The following LGSN variants were observed in gnomAD, a reference collection of about 807,000 sequenced individuals.
LGSN encodes the protein lengsin, lens protein with glutamine synthetase domain, also known as lengsin.
A neutral mutation model predicts 19.5 loss-of-function variants in LGSN; 21 were observed. The ratio of observed to expected loss-of-function variants is 1.07; its 90% CI spans 0.76 to 1.55. The LOEUF is 1.55. Among genes scored for constraint, LGSN ranks in the 40% most tolerant of loss-of-function variants. The pLI is 0.00. For missense variants in LGSN, 673 were observed against 608.5 expected, an observed-to-expected ratio of 1.11 and a Z score of -1.12; for synonymous variants, 257 against 215.6, an observed-to-expected ratio of 1.19 and a Z score of -1.68.
chr6:63,534,672 G>A, the LGSN span, among the ~76,000 whole-genome samples: 4 of 152,028 alleles, frequency 2.6e-5, no homozygotes, highest in East Asian at 5.8e-4. Context: ...TTGTCACCAG[G>A]CACGGTGGCT....
At chr6:63,459,560 G>A in the LGSN span, among the ~76,000 whole-genome samples, 2 of 138,404 alleles carry the variant, frequency 1.4e-5, no homozygotes, top group South Asian at 2.6e-4. Flanking sequence ...CACCCCCGCC[G>A]CCCCCAACAA....
intron 2 of LGSN, among the ~76,000 whole-genome samples, chr6:63,288,343 G>A (rs1329697322): frequency 2.0e-5 from 3 of 151,440 alleles, no homozygotes; most frequent in Non-Finnish European, 4.4e-5. Context: ...CGTGTACCTA[G>A]GAATCAGCCA....
chr6:63,541,223 C>T, the LGSN span, among the ~76,000 whole-genome samples: 1 of 152,150 alleles, frequency 6.6e-6, no homozygotes, highest in South Asian at 2.1e-4. Flanking sequence ...GTATCAATAT[C>T]TCCCATTGCC....
At chr6:63,511,546 G>A in the LGSN span, among the ~76,000 whole-genome samples, 6 of 152,136 alleles carry the variant, frequency 3.9e-5, no homozygotes, top group East Asian at 1.9e-4. Context: ...ATGAGCCACC[G>A]CACCCAGCCT....
intron 1 of LGSN, among the ~76,000 whole-genome samples, chr6:63,295,800 AGT>A (rs1221432170): frequency 5.9e-5 from 9 of 152,150 alleles, no homozygotes; most frequent in Non-Finnish European, 1.0e-4. Context: ...CAGTGCACAG[AGT>A]CACCCCTGCA....
At chr6:63,416,711 GCATCCA>G in the LGSN span, among the ~76,000 whole-genome samples, 27 of 151,808 alleles carry the variant, frequency 1.8e-4, no homozygotes, top group East Asian at 5.2e-3. Context: ...GGGATTACAG[GCATCCA>G]CCACCACGCC....
chr6:63,280,299 A>G lies in LGSN; in HGVS notation c.1252T>C (p.Leu418=). 1.2e-6 allele frequency: 2 copies of G among 1,614,214 alleles called. No individual in the cohort carries two copies. Among genetic ancestry groups the G allele is most frequent in the South Asian group, 1.1e-5 (1 of 91,084 alleles). The part of the protein sequence containing the change: ...KLGSATANPY[L]VLAATVAAGL... ...GCAGCAACAGTTGCAGCCAGCACCA[A>G]GTAAGGGTTTGCTGTTGCTGAGCCT... Residue 418 remains leucine, a synonymous_variant, in exon 4 of 4, where the codon TTG becomes CTG. Coordinates refer to ENST00000370657, the MANE Select transcript of LGSN (RefSeq NM_016571.3).
chr6:63,487,685 A>G, the LGSN span, among the ~76,000 whole-genome samples: 1 of 152,206 alleles, frequency 6.6e-6, no homozygotes, highest in East Asian at 1.9e-4. Flanking sequence ...GGAGCCTTAC[A>G]ATAAATAAAA....
the LGSN span, among the ~76,000 whole-genome samples, chr6:63,520,652 A>C: frequency 6.6e-6 from 1 of 151,046 alleles, no homozygotes; most frequent in Non-Finnish European, 1.5e-5. Flanking sequence ...TAAATAAATA[A>C]ATAAATAAAT....
At chr6:63,356,076 A>C in the LGSN span, among the ~76,000 whole-genome samples, 1 of 152,074 alleles carries the variant, frequency 6.6e-6, no homozygotes, top group Non-Finnish European at 1.5e-5. Flanking sequence ...CCCTTTTTAT[A>C]AGGACACCGG....
intron 2 of LGSN, among the ~76,000 whole-genome samples, chr6:63,294,153 G>A (rs1385246875): frequency 6.6e-6 from 1 of 151,886 alleles, no homozygotes; most frequent in East Asian, 1.9e-4. Context: ...CGGCTAACAT[G>A]GTGAAACCCC....
At chr6:63,501,497 T>C in the LGSN span, among the ~76,000 whole-genome samples, 1 of 152,134 alleles carries the variant, frequency 6.6e-6, no homozygotes, top group African/African-American at 2.4e-5. Context: ...ATGCTATGTA[T>C]GGCTGAATAT....
At chr6:63,408,989 C>T in the LGSN span, among the ~76,000 whole-genome samples, 2 of 152,292 alleles carry the variant, frequency 1.3e-5, no homozygotes, top group Admixed American at 1.3e-4. Context: ...TAGCTCATTG[C>T]AGCCTCGAAC....
chr6:63,365,963 C>A, the LGSN span, among the ~76,000 whole-genome samples: 1 of 152,130 alleles, frequency 6.6e-6, no homozygotes, highest in Non-Finnish European at 1.5e-5. Flanking sequence ...CTATTTATGA[C>A]AAACCCACAG....
chr6:63,520,602 G>C, the LGSN span, among the ~76,000 whole-genome samples: 1 of 151,386 alleles, frequency 6.6e-6, no homozygotes, highest in Non-Finnish European at 1.5e-5. Context: ...CTTCACTCCA[G>C]CCTGGGTGAC....
At chr6:63,519,954 A>G in the LGSN span, among the ~76,000 whole-genome samples, 2 of 152,246 alleles carry the variant, frequency 1.3e-5, no homozygotes, top group Admixed American at 6.5e-5. Flanking sequence ...AATTCAGTAG[A>G]TAATAATTTT....
upstream of LGSN, among the ~76,000 whole-genome samples, chr6:63,323,475 T>G (rs1769138029): frequency 6.6e-6 from 1 of 151,702 alleles, no homozygotes; most frequent in Admixed American, 6.6e-5. Context: ...GTAGCTGGTG[T>G]TGTCCTTGTT....
the LGSN span, among the ~76,000 whole-genome samples, chr6:63,495,718 G>A: frequency 4.0e-5 from 6 of 151,692 alleles, no homozygotes; most frequent in African/African-American, 1.4e-4. Context: ...CCAAAGTGCC[G>A]GGATTATAGG....
the LGSN span, among the ~76,000 whole-genome samples, chr6:63,512,538 C>A: frequency 6.6e-6 from 1 of 152,094 alleles, no homozygotes; most frequent in Non-Finnish European, 1.5e-5. Context: ...TCCTGAAGTC[C>A]CCACAGAATT....
Sources: gnomAD v4.1 joint callset for allele counts (sites outside exome capture counted in the v4.1 genomes callset) on GRCh38, gnomAD v4.1.1 for gene constraint, MANE v1.5 for transcripts, NCBI Gene and HGNC (gene_info 2026-07-23, HGNC 2026-07-21) for gene names.